Variants in CD80 observed in about 807,000 individuals in gnomAD.
CD80 encodes T-lymphocyte activation antigen CD80.
A neutral mutation model predicts 27.1 loss-of-function variants in CD80; 13 were observed. That is an observed-to-expected ratio of 0.48 (90% confidence interval 0.31 to 0.76). CD80 has a LOEUF of 0.76. Ranked by LOEUF, CD80 falls within the 30% of genes least tolerant of loss-of-function variation. The pLI, the probability that CD80 is intolerant of heterozygous loss-of-function variation, is 0.04. For synonymous variants in CD80, 125 were observed against 125.5 expected, an observed-to-expected ratio of 1.00 and a Z score of 0.03; for missense variants, 277 against 347.9, an observed-to-expected ratio of 0.80 and a Z score of 1.62.
At chr3:119,531,579 G>A (rs1276419957) in intron 4 of CD80, among the ~76,000 whole-genome samples, 5 of 152,224 alleles carry the variant, frequency 3.3e-5, no homozygotes, top group Non-Finnish European at 4.4e-5. Context: ...GCAAGGCTGG[G>A]CTGGAGAGAG....
At chr3:119,541,378 T>C (rs2082167631) in intron 3 of CD80, among the ~76,000 whole-genome samples, 1 of 152,244 alleles carries the variant, frequency 6.6e-6, no homozygotes, top group Admixed American at 6.5e-5. Context: ...GGTTTTCATA[T>C]GGCTATGCTG....
intron 6 of CD80, chr3:119,527,531 T>C (rs925318062): frequency 8.4e-6 from 4 of 475,466 alleles, no homozygotes; most frequent in Non-Finnish European, 1.5e-5. Context: ...AATGGAAACA[T>C]GGCAAAAGAA....
rs116433616 is a variant in CD80 at position 119,530,011 on chromosome 3, T to C, written c.701-74A>G. ...TGATACTCATTCTGTGCCTTTTCTA[T>C]TGATGCAACTGTGGAGTATTCTTTG... On this transcript the variant is annotated intron_variant, in intron 4 of 6. Coordinates refer to ENST00000264246, the MANE Select transcript of CD80 (RefSeq NM_005191.4). 3,569 of 1,043,856 alleles carry C rather than the reference T, an allele frequency of 3.4e-3. 8 individuals are homozygous for C. Among genetic ancestry groups the C allele is most frequent in the Middle Eastern group, 9.0e-3 (44 of 4,886 alleles). 64.7% of individuals were successfully genotyped at this position (1,043,856 alleles called of 1,614,324 possible). A position where few individuals can be genotyped will look rare whatever the true frequency, so the allele number is the denominator to read the frequency against.
intron 3 of CD80, among the ~76,000 whole-genome samples, chr3:119,542,836 A>G (rs973760456): frequency 3.3e-5 from 5 of 152,224 alleles, no homozygotes; most frequent in African/African-American, 1.2e-4. Context: ...ACAAGATTAG[A>G]AATTATGGTT....
chr3:119,548,135 C>T (rs2082211421), intron 2 of CD80, among the ~76,000 whole-genome samples: 1 of 152,142 alleles, frequency 6.6e-6, no homozygotes, highest in Non-Finnish European at 1.5e-5. Flanking sequence ...CGCCCGCCAT[C>T]ATGCCCAGCT....
intron 2 of CD80, among the ~76,000 whole-genome samples, chr3:119,556,514 T>C (rs2082265605): frequency 8.1e-6 from 1 of 123,558 alleles, no homozygotes; most frequent in African/African-American, 2.7e-5. Flanking sequence ...AACTGTCAAA[T>C]ATATAAAAAA....
chr3:119,553,775 C>G (rs1245864223), intron 2 of CD80, among the ~76,000 whole-genome samples: 1 of 152,196 alleles, frequency 6.6e-6, no homozygotes, highest in Non-Finnish European at 1.5e-5. Flanking sequence ...TAAACATTTT[C>G]CCTGACTATG....
chr3:119,557,718 G>A lies in CD80; in HGVS notation c.11C>T (p.Thr4Ile). 2 of 1,612,156 alleles carry A rather than the reference G, an allele frequency of 1.2e-6. No homozygotes were observed. The highest frequency in any genetic ancestry group is 1.7e-6 in the Non-Finnish European group (2 of 1,178,814). MGH[T>I]RRQGTSPSKC... ...GGATGGTGATGTTCCCTGCCTCCGT[G>A]TGTGGCCCATGGCTTCAGATGCTTA... The change falls in exon 2 of 7, where the codon ACA becomes ATA. Residue 4 changes from threonine to isoleucine, a missense_variant. Coordinates refer to ENST00000264246, the MANE Select transcript of CD80 (RefSeq NM_005191.4).
At chr3:119,538,531 A>G (rs1334473391) in intron 3 of CD80, among the ~76,000 whole-genome samples, 1 of 152,182 alleles carries the variant, frequency 6.6e-6, no homozygotes, top group African/African-American at 2.4e-5. Flanking sequence ...ATTTGTGGTT[A>G]GCATTTCCTT....
chr3:119,548,336 T>C (rs2082212266), intron 2 of CD80, among the ~76,000 whole-genome samples: 1 of 152,122 alleles, frequency 6.6e-6, no homozygotes, highest in African/African-American at 2.4e-5. Context: ...TTGTCTTATG[T>C]ATATAGCCAG....
At chr3:119,550,655 T>G (rs1161704440) in intron 2 of CD80, among the ~76,000 whole-genome samples, 1 of 152,186 alleles carries the variant, frequency 6.6e-6, no homozygotes, top group Admixed American at 6.5e-5. Context: ...AGTCAGCACC[T>G]GGAAATCTCA....
intron 3 of CD80, among the ~76,000 whole-genome samples, chr3:119,539,172 G>C (rs2082154809): frequency 6.6e-6 from 1 of 152,112 alleles, no homozygotes; most frequent in Non-Finnish European, 1.5e-5. Flanking sequence ...TAATTATTTT[G>C]ATAGTAGACA....
chr3:119,554,279 G>A (rs1282553686), intron 2 of CD80, among the ~76,000 whole-genome samples: 3 of 152,146 alleles, frequency 2.0e-5, no homozygotes, highest in Admixed American at 2.0e-4. Flanking sequence ...GCACTTTGGG[G>A]TATTCTCTTT....
In CD80 at chr3:119,544,691, A is replaced by G. The variant is rs772241262; in HGVS notation, c.277T>C (p.Phe93Leu). The change falls in exon 3 of 7, where the codon TTT (phenylalanine) becomes CTT (leucine). Residue 93 changes from phenylalanine to leucine, a missense_variant. Phe to Leu is a conservative substitution (Grantham distance 22). Transcript: ENST00000264246. Reference protein sequence around the residue: ...IWPEYKNRTIFDITNNLSIVI... With the variant: ...IWPEYKNRTILDITNNLSIVI... ...ATGGAGAGGTTATTAGTGATATCAA[A>G]GATGGTCCGGTTCTTGTACTCGGGC... 2.7e-5 allele frequency: 44 copies of G among 1,614,090 alleles called. 3 individuals are homozygous for G. In the South Asian group the frequency reaches 4.8e-4, roughly 18 times the overall value.
At chr3:119,552,139 C>T (rs2082236015) in intron 2 of CD80, among the ~76,000 whole-genome samples, 1 of 152,186 alleles carries the variant, frequency 6.6e-6, no homozygotes, top group African/African-American at 2.4e-5. Context: ...CTGCTAGCCA[C>T]ACAGGAGAGG....
chr3:119,543,887 CTTTTTT>C (rs71619749), intron 3 of CD80, among the ~76,000 whole-genome samples: 1 of 99,128 alleles, frequency 1.0e-5, no homozygotes, highest in Non-Finnish European at 2.0e-5. Flanking sequence ...CTCCATTGTT[CTTTTTT>C]TTTTTTTTTT....
At chr3:119,537,509 G>GA (rs1280188576) in intron 3 of CD80, 91 bp from the exon 4 acceptor site, 4 of 964,366 alleles carry the variant, frequency 4.1e-6, no homozygotes, top group Non-Finnish European at 6.0e-6. Flanking sequence ...GCTTTAATAA[G>GA]AATTGATAAA....
At chr3:119,531,945 T>A (rs1248128607) in intron 4 of CD80, among the ~76,000 whole-genome samples, 1 of 152,136 alleles carries the variant, frequency 6.6e-6, no homozygotes, top group African/African-American at 2.4e-5. Flanking sequence ...ATTACAGGCA[T>A]GAGCCACTGC....
At chr3:119,546,729 A>T (rs1460770574) in intron 2 of CD80, among the ~76,000 whole-genome samples, 1 of 151,988 alleles carries the variant, frequency 6.6e-6, no homozygotes, top group East Asian at 1.9e-4. Context: ...GAAGAATTTC[A>T]CTGTAAAGAC....
Sources: gnomAD v4.1 joint callset for allele counts (sites outside exome capture counted in the v4.1 genomes callset) on GRCh38, gnomAD v4.1.1 for gene constraint, MANE v1.5 for transcripts, NCBI Gene and HGNC (gene_info 2026-07-23, HGNC 2026-07-21) for gene names.